The following ARL15 variants were observed in gnomAD, a reference collection of about 807,000 sequenced individuals.
ARL15 encodes the protein ARF like GTPase 15, also known as ADP-ribosylation factor-like protein 15.
ARL15 carries 19 observed loss-of-function variants against 25.2 expected under a neutral mutation model. The observed-to-expected ratio is 0.75, with a 90% CI of 0.53 to 1.10. The LOEUF is 1.10. Among genes scored for constraint, ARL15 ranks in the 50% least tolerant of loss-of-function variants. ARL15 has a pLI of 0.00. For synonymous variants in ARL15, 94 were observed against 86.8 expected (o/e 1.08, Z -0.46); for missense variants, 220 against 246.0 (o/e 0.89, Z 0.71).
chr5:53,912,372 A>G (rs6867344), intron 4 of ARL15, among the ~76,000 whole-genome samples: 5,026 of 152,228 alleles, frequency 0.033, 278 homozygotes, highest in African/African-American at 0.11. Context: ...TAACAACAAA[A>G]AAACGGTTTT....
chr5:54,101,329 T>C lies in ARL15; in HGVS notation c.462+11873A>G, dbSNP rs148110274. ...TAACTAGAGTATAAATAAAAACAAA[T>C]AATGAAAGAATTATAATTTTTGTAT... On this transcript the variant is annotated intron_variant, in intron 4 of 4. Coordinates refer to ENST00000504924, the MANE Select transcript of ARL15 (RefSeq NM_019087.3). Among the ~76,000 whole-genome samples, 640 of 152,152 alleles carry C rather than the reference T, an allele frequency of 4.2e-3. 4 individuals carry two copies. The highest frequency in any genetic ancestry group is 0.014 in the African/African-American group (598 of 41,556).
chr5:54,057,061 A>AC (rs1750898785), intron 4 of ARL15, among the ~76,000 whole-genome samples: 1 of 142,898 alleles, frequency 7.0e-6, no homozygotes, highest in African/African-American at 2.9e-5. Context: ...GTATAGTCTA[A>AC]TAAAAAAAAA....
At chr5:54,287,244 C>A (rs887782073) in intron 1 of ARL15, among the ~76,000 whole-genome samples, 1 of 151,944 alleles carries the variant, frequency 6.6e-6, no homozygotes, top group South Asian at 2.1e-4. Flanking sequence ...TAAAGAAGAC[C>A]AAACCCTAGC....
intron 4 of ARL15, among the ~76,000 whole-genome samples, chr5:53,942,727 C>T (rs1233905613): frequency 1.3e-5 from 2 of 152,124 alleles, no homozygotes; most frequent in African/African-American, 4.8e-5. Flanking sequence ...GCCTGGGTGA[C>T]AGAGCGAGAC....
At chr5:54,248,442 AATACT>A (rs2112592378) in intron 1 of ARL15, among the ~76,000 whole-genome samples, 1 of 152,204 alleles carries the variant, frequency 6.6e-6, no homozygotes, top group Admixed American at 6.5e-5. Context: ...GGGCCTTTGC[AATACT>A]GTCTCCTCTG....
intron 4 of ARL15, among the ~76,000 whole-genome samples, chr5:53,991,764 G>A (rs759134465): frequency 2.0e-5 from 3 of 151,964 alleles, no homozygotes; most frequent in African/African-American, 4.8e-5. Context: ...AATCTCCCAC[G>A]TAGTGGGAGA....
At chr5:54,232,010 G>T (rs1454096390) in intron 1 of ARL15, among the ~76,000 whole-genome samples, 1 of 152,136 alleles carries the variant, frequency 6.6e-6, no homozygotes, top group Non-Finnish European at 1.5e-5. Flanking sequence ...CGGCCACACT[G>T]ACTGCTCATG....
intron 2 of ARL15, among the ~76,000 whole-genome samples, chr5:54,162,306 C>G (rs1358936092): frequency 6.6e-6 from 1 of 152,126 alleles, no homozygotes; most frequent in African/African-American, 2.4e-5. Context: ...TTACTTCCTG[C>G]CTCCCATGGC....
intron 1 of ARL15, among the ~76,000 whole-genome samples, chr5:54,233,630 C>T (rs1476714938): frequency 3.3e-5 from 5 of 152,326 alleles, no homozygotes; most frequent in Middle Eastern, 3.4e-3. Context: ...TGGCTTTTAA[C>T]ATAACTAACT....
intron 4 of ARL15, among the ~76,000 whole-genome samples, chr5:54,064,192 T>A (rs942448007): frequency 1.3e-5 from 2 of 150,696 alleles, no homozygotes; most frequent in Non-Finnish European, 3.0e-5. Context: ...CAGCCTGAAC[T>A]TAGACTGGGC....
At chr5:53,907,940 T>A (rs1452327652) in intron 4 of ARL15, among the ~76,000 whole-genome samples, 3 of 152,174 alleles carry the variant, frequency 2.0e-5, no homozygotes, top group Non-Finnish European at 4.4e-5. Context: ...GATTGCCACA[T>A]AAAGCAGTCC....
At position 54,076,985 on chromosome 5, in the gene ARL15, CTTA is replaced by C. The variant is rs983003209; in HGVS notation, c.462+36214_462+36216del. On this transcript the variant is annotated intron_variant, in intron 4 of 4. Coordinates refer to ENST00000504924, the MANE Select transcript of ARL15 (RefSeq NM_019087.3). ...GAGTGGTGACTTCTTATTAGCTTCC[CTTA>C]TGAGAACATCTTCTATGCTACGCAG... Among the ~76,000 whole-genome samples the C allele has an allele frequency of 2.0e-4, 30 of 152,118 alleles. 1 individual carries two copies. Among genetic ancestry groups the C allele is most frequent in the African/African-American group, 7.0e-4 (29 of 41,408 alleles).
At chr5:54,182,288 C>A (rs1755081649) in intron 1 of ARL15, among the ~76,000 whole-genome samples, 1 of 86,076 alleles carries the variant, frequency 1.2e-5, no homozygotes, top group East Asian at 3.1e-4. Context: ...TTAGGTCTAA[C>A]GTTTAAATCT....
intron 1 of ARL15, among the ~76,000 whole-genome samples, chr5:54,243,040 TACA>T (rs1756999135): frequency 6.6e-6 from 1 of 152,208 alleles, no homozygotes; most frequent in Admixed American, 6.5e-5. Context: ...TAAACATTGC[TACA>T]ACAATTTTTG....
chr5:54,152,772 T>C (rs1273764216), intron 3 of ARL15, among the ~76,000 whole-genome samples: 8 of 152,212 alleles, frequency 5.3e-5, no homozygotes, highest in Admixed American at 4.6e-4. Context: ...CTCTCCATTG[T>C]AATTTCCATT....
intron 1 of ARL15, among the ~76,000 whole-genome samples, chr5:54,233,324 G>A (rs1002782896): frequency 7.2e-5 from 11 of 152,032 alleles, no homozygotes; most frequent in East Asian, 1.9e-4. Flanking sequence ...ATAATTATTC[G>A]AACTTGGGTA....
Position 54,237,877 on chromosome 5 carries a change from G to A in ARL15, c.49-65949C>T, listed in dbSNP as rs999381383. Among the ~76,000 whole-genome samples the A allele has an allele frequency of 1.4e-4, 21 of 152,172 alleles. 1 individual carries two copies. Among genetic ancestry groups the A allele is most frequent in the African/African-American group, 5.1e-4 (21 of 41,436 alleles). ...TGGATGACTCACCAAATGGGGCTGG[G>A]CAACCAACTAACCATATGAGGGGGA... On this transcript the variant is annotated intron_variant, in intron 1 of 4. Transcript: ENST00000504924.
intron 4 of ARL15, among the ~76,000 whole-genome samples, chr5:54,092,298 A>G (rs1339171240): frequency 1.3e-5 from 2 of 152,142 alleles, no homozygotes; most frequent in Non-Finnish European, 2.9e-5. Context: ...GTTTTATTCT[A>G]AAGAGTACAT....
chr5:54,147,080 C>T (rs981196324), intron 3 of ARL15, among the ~76,000 whole-genome samples: 5 of 152,158 alleles, frequency 3.3e-5, no homozygotes, highest in Non-Finnish European at 5.9e-5. Flanking sequence ...GGCCTTTTAA[C>T]TCACATCCAA....
Sources: allele counts gnomAD v4.1 joint callset (sites outside exome capture counted in the v4.1 genomes callset), GRCh38; gene constraint gnomAD v4.1.1; transcripts MANE v1.5; gene names NCBI Gene and HGNC (gene_info 2026-07-23, HGNC 2026-07-21).